Variants in PCDHA11 observed in about 807,000 individuals in gnomAD.
PCDHA11 encodes protocadherin alpha 11, also known as protocadherin alpha-11.
In PCDHA11, 61 loss-of-function variants were observed where a neutral mutation model predicts 70.3. The ratio of observed to expected loss-of-function variants is 0.87; its 90% CI spans 0.71 to 1.07. The LOEUF (loss-of-function observed/expected upper bound fraction) is 1.07. Among genes scored for constraint, PCDHA11 ranks in the 50% least tolerant of loss-of-function variants. The probability of loss-of-function intolerance (pLI) is 0.00; values close to 1 mark genes in which losing one functional copy is unlikely to be tolerated. For missense variants in PCDHA11, 1,324 were observed against 1,237.5 expected, an observed-to-expected ratio of 1.07 and a Z score of -1.05; for synonymous variants, 633 against 555.1, an observed-to-expected ratio of 1.14 and a Z score of -1.97.
chr5:140,974,419 C>T (rs998974699), intron 1 of PCDHA11, among the ~76,000 whole-genome samples: 1 of 152,208 alleles, frequency 6.6e-6, no homozygotes, highest in African/African-American at 2.4e-5. Flanking sequence ...GTTTATTTTA[C>T]TTTCCTGGTT....
At chr5:140,883,074 C>T (rs1554176634) in intron 1 of PCDHA11, 2 of 1,614,042 alleles carry the variant, frequency 1.2e-6, no homozygotes, top group Admixed American at 3.3e-5. Context: ...GCCACAGATC[C>T]TGATGATGGT....
chr5:140,899,407 T>C (rs1183210224), intron 1 of PCDHA11, among the ~76,000 whole-genome samples: 2 of 152,226 alleles, frequency 1.3e-5, no homozygotes, highest in Non-Finnish European at 2.9e-5. Context: ...TGAAGGGTTG[T>C]TGAATTTTGT....
chr5:140,952,417 C>T (rs2153696080), intron 1 of PCDHA11, among the ~76,000 whole-genome samples: 1 of 152,190 alleles, frequency 6.6e-6, no homozygotes, highest in Non-Finnish European at 1.5e-5. Flanking sequence ...TAATGTTCCG[C>T]AGATTCCTAC....
chr5:141,008,329 T>C (rs2098370202), intron 3 of PCDHA11, among the ~76,000 whole-genome samples: 1 of 152,192 alleles, frequency 6.6e-6, no homozygotes, highest in Non-Finnish European at 1.5e-5. Context: ...AAACAGTTTA[T>C]TTGATGGAGC....
chr5:140,961,694 G>A (rs1554225551), intron 1 of PCDHA11, among the ~76,000 whole-genome samples: 2 of 152,152 alleles, frequency 1.3e-5, no homozygotes, highest in Non-Finnish European at 2.9e-5. Flanking sequence ...GTAGTCCTTA[G>A]TATGAATGCC....
intron 1 of PCDHA11, chr5:140,967,345 CGAGCTG>C (rs1443872198): frequency 1.2e-6 from 2 of 1,607,634 alleles, no homozygotes; most frequent in Non-Finnish European, 1.7e-6. Context: ...GCGAGCACTT[CGAGCTG>C]GACCTTAAGC....
At chr5:140,948,942 TA>T (rs34363674) in intron 1 of PCDHA11, among the ~76,000 whole-genome samples, 1 of 151,394 alleles carries the variant, frequency 6.6e-6, no homozygotes, top group Admixed American at 6.6e-5. Context: ...TCTTCTAATA[TA>T]AAAAAATTAA....
chr5:140,976,691 C>T (rs1219355793), intron 1 of PCDHA11, among the ~76,000 whole-genome samples: 1 of 152,126 alleles, frequency 6.6e-6, no homozygotes, highest in Non-Finnish European at 1.5e-5. Context: ...AATTTAAGTA[C>T]AATAATGTTG....
At chr5:140,877,141 G>T (rs1554169360) in intron 1 of PCDHA11, 2 of 1,613,680 alleles carry the variant, frequency 1.2e-6, no homozygotes, top group African/African-American at 1.3e-5. Flanking sequence ...GTTCGTGCTG[G>T]ACGAGAACGA....
At chr5:140,951,822 C>T (rs926525028) in intron 1 of PCDHA11, among the ~76,000 whole-genome samples, 11 of 152,152 alleles carry the variant, frequency 7.2e-5, no homozygotes, top group African/African-American at 2.7e-4. Flanking sequence ...AAAGTCTGAA[C>T]TCATTCCAGC....
chr5:140,984,458 C>T (rs1363789281), intron 3 of PCDHA11, among the ~76,000 whole-genome samples: 2 of 152,140 alleles, frequency 1.3e-5, no homozygotes, highest in African/African-American at 4.8e-5. Flanking sequence ...CTTACTGTCC[C>T]AGCCCCTCTT....
intron 1 of PCDHA11, chr5:140,883,658 G>T (rs573544891): frequency 6.2e-7 from 1 of 1,613,994 alleles, no homozygotes; most frequent in Non-Finnish European, 8.5e-7. Context: ...CACGGTGTTC[G>T]TGAAGGAAAA....
At chr5:140,890,902 G>A (rs781819787) in intron 1 of PCDHA11, among the ~76,000 whole-genome samples, 16 of 152,080 alleles carry the variant, frequency 1.1e-4, no homozygotes, top group Non-Finnish European at 1.5e-4. Context: ...GTCTTTCCAT[G>A]TTAGAATAAT....
intron 3 of PCDHA11, among the ~76,000 whole-genome samples, chr5:141,000,421 A>ATT (rs34755515): frequency 0.021 from 589 of 27,976 alleles, 60 homozygotes; most frequent in Middle Eastern, 0.062. Flanking sequence ...ATATATATAT[A>ATT]TTTTTTTTTT....
chr5:140,979,947 A>G (rs781881758), intron 2 of PCDHA11, among the ~76,000 whole-genome samples: 4 of 152,258 alleles, frequency 2.6e-5, no homozygotes, highest in African/African-American at 4.8e-5. Context: ...AGTTAATGTG[A>G]AATTAGTTTT....
chr5:140,898,673 G>A (rs1378652105), intron 1 of PCDHA11, among the ~76,000 whole-genome samples: 1 of 152,170 alleles, frequency 6.6e-6, no homozygotes, highest in Non-Finnish European at 1.5e-5. Flanking sequence ...GGTGTTGCGG[G>A]CTGTTTTTTG....
chr5:140,959,293 C>G (rs1554223990), intron 1 of PCDHA11, among the ~76,000 whole-genome samples: 1 of 152,088 alleles, frequency 6.6e-6, no homozygotes, highest in African/African-American at 2.4e-5. Context: ...GGGAGCATCA[C>G]TGAGCCCGGT....
In PCDHA11 at chr5:140,870,004, G is replaced by T. The variant is rs374513388; in HGVS notation, c.901G>T (p.Val301Leu). 129 of 1,613,494 alleles carry T rather than the reference G, an allele frequency of 8.0e-5. No homozygotes were observed. Among genetic ancestry groups the T allele is most frequent in the Non-Finnish European group, 1.1e-4 (126 of 1,179,842 alleles). The part of the protein sequence containing the change: ...LFTLDQNNGE[V>L]RVNGTLDYEE... The stretch of plus-strand genomic sequence containing the variant: ...TACACTAGATCAAAATAATGGAGAA[G>T]TGAGGGTCAATGGAACTTTAGATTA... Residue 301 changes from valine (V) to leucine (L), a missense_variant, in exon 1 of 4, where the codon GTG becomes TTG. Physicochemically the swap from Val to Leu is conservative, Grantham distance 32 (BLOSUM62 1). Coordinates refer to ENST00000398640, the MANE Select transcript of PCDHA11 (RefSeq NM_018902.5).
At chr5:140,938,210 T>G (rs1355577102) in intron 1 of PCDHA11, among the ~76,000 whole-genome samples, 2 of 152,140 alleles carry the variant, frequency 1.3e-5, no homozygotes, top group East Asian at 3.8e-4. Flanking sequence ...CCTCCCAAAG[T>G]GCTGGGATTA....
Sources: gnomAD v4.1 joint callset for allele counts (sites outside exome capture counted in the v4.1 genomes callset) on GRCh38, gnomAD v4.1.1 for gene constraint, MANE v1.5 for transcripts, NCBI Gene and HGNC (gene_info 2026-07-23, HGNC 2026-07-21) for gene names.